The following ZSWIM5 variants were observed in gnomAD, a reference collection of about 807,000 sequenced individuals.
The protein encoded by ZSWIM5 is zinc finger SWIM domain-containing protein 5.
ZSWIM5 carries 55 observed loss-of-function variants against 119.6 expected under a neutral mutation model. That is an observed-to-expected ratio of 0.46 (90% CI 0.37 to 0.58). The LOEUF is 0.58. ZSWIM5 is among the 20% of genes least tolerant of loss of function. ZSWIM5 has a pLI of 0.00. For missense variants in ZSWIM5, 1,193 were observed against 1,512.8 expected, an observed-to-expected ratio of 0.79 and a Z score of 3.51; for synonymous variants, 537 against 606.9, an observed-to-expected ratio of 0.88 and a Z score of 1.69.
At chr1:45,119,277 C>A (rs938312116) in intron 1 of ZSWIM5, among the ~76,000 whole-genome samples, 1 of 152,190 alleles carries the variant, frequency 6.6e-6, no homozygotes, top group African/African-American at 2.4e-5. Context: ...AGCATCCCAA[C>A]CCCCTTGTTC....
chr1:45,156,721 T>TA (rs763479350), intron 1 of ZSWIM5, among the ~76,000 whole-genome samples: 3,159 of 124,602 alleles, frequency 0.025, 113 homozygotes, highest in African/African-American at 0.085. Flanking sequence ...TGTGGGAAGT[T>TA]AAAAAAAAAA....
chr1:45,198,645 T>C (rs1219692969), intron 1 of ZSWIM5, among the ~76,000 whole-genome samples: 1 of 152,160 alleles, frequency 6.6e-6, no homozygotes, highest in Non-Finnish European at 1.5e-5. Context: ...GAGAAATCAT[T>C]AGGCATCCAC....
chr1:45,069,371 A>G (rs913607294), intron 2 of ZSWIM5, among the ~76,000 whole-genome samples: 1 of 151,694 alleles, frequency 6.6e-6, no homozygotes, highest in Non-Finnish European at 1.5e-5. Context: ...GCTTGCAGTG[A>G]GCCAAGATCG....
chr1:45,019,572 A>C lies in ZSWIM5; in HGVS notation c.2696-256T>G, dbSNP rs1016715619. Among the ~76,000 whole-genome samples the C allele has an allele frequency of 3.9e-5, 6 of 152,150 alleles. No homozygotes were observed. The highest frequency in any genetic ancestry group is 4.4e-5 in the Non-Finnish European group (3 of 68,022). On this transcript the variant is annotated intron_variant, in intron 13 of 13. Coordinates refer to ENST00000359600, the MANE Select transcript of ZSWIM5 (RefSeq NM_020883.2). This position sits in a 1 kb window ranked among gnomAD's most constrained non-coding sequence, Gnocchi z 5.0. ...CAGGTGCTCTTAGCCCCTCACAAGGATGGGACAGTAGAGCCTGGGGTTTGC... is the reference window on the plus strand; with the variant it reads ...CAGGTGCTCTTAGCCCCTCACAAGGCTGGGACAGTAGAGCCTGGGGTTTGC...
At chr1:45,081,117 A>G (rs960301781) in intron 2 of ZSWIM5, among the ~76,000 whole-genome samples, 6 of 152,228 alleles carry the variant, frequency 3.9e-5, no homozygotes, top group Non-Finnish European at 5.9e-5. Context: ...AAGATTTAGC[A>G]GGGAACAGAA....
At chr1:45,023,780 A>G (rs1427177124) in intron 11 of ZSWIM5, among the ~76,000 whole-genome samples, 2 of 152,234 alleles carry the variant, frequency 1.3e-5, no homozygotes, top group Non-Finnish European at 2.9e-5. Flanking sequence ...TTTGTAAAAA[A>G]AAGACCAAAC....
At chr1:45,108,135 A>C (rs1262473340) in intron 1 of ZSWIM5, among the ~76,000 whole-genome samples, 1 of 152,184 alleles carries the variant, frequency 6.6e-6, no homozygotes, top group Non-Finnish European at 1.5e-5. Context: ...ATTTGAACAT[A>C]GATTGGGAAA....
rs1435464689 is a variant in ZSWIM5 at position 45,044,829 on chromosome 1, ATATAT to A, written c.1433-1439_1433-1435del. On this transcript the variant is annotated intron_variant, in intron 5 of 13. Coordinates refer to ENST00000359600, the MANE Select transcript of ZSWIM5 (RefSeq NM_020883.2). The stretch of plus-strand genomic sequence containing the variant: ...AATATATATATATATATAAATATAT[ATATAT>A]AAATATATATATATAGATTAGCCGG... Among the ~76,000 whole-genome samples, 15 of 10,558 alleles carry A rather than the reference ATATAT, an allele frequency of 1.4e-3. 3 individuals carry two copies. Among genetic ancestry groups the A allele is most frequent in the African/African-American group, 4.8e-3 (13 of 2,720 alleles). 6.9% of individuals were successfully genotyped at this position (10,558 alleles called of 152,430 possible).
intron 5 of ZSWIM5, among the ~76,000 whole-genome samples, chr1:45,050,012 T>C (rs1013692813): frequency 2.0e-5 from 3 of 152,022 alleles, no homozygotes; most frequent in African/African-American, 4.8e-5. Context: ...AAACAAAAAT[T>C]TTCATGATTT....
rs1457289142 is a variant in ZSWIM5 at position 45,057,695 on chromosome 1, G to A, written c.1252+914C>T. ...TACTAGTGTGTGACCCTGAGTTCAG[G>A]GTATGGAAGATTCTGAAAGCAGGGC... On this transcript the variant is annotated intron_variant, in intron 4 of 13. Transcript: ENST00000359600. The surrounding 1 kb of genome is among the most constrained non-coding windows in gnomAD (Gnocchi z 4.7). Among the ~76,000 whole-genome samples, 1 of 152,166 alleles carries A rather than the reference G, an allele frequency of 6.6e-6. No individual in the cohort carries two copies. The highest frequency in any genetic ancestry group is 2.4e-5 in the African/African-American group (1 of 41,426).
rs375151653 is a variant in ZSWIM5, at chr1:45,115,362, G to A, written c.596-27125C>T. Reference sequence around the variant, plus strand: ...CAGACGGGGTGGCTGCCGGGCGGAGGGGCTCCTCACTTCCCAGACTGGGCG... The same window carrying A: ...CAGACGGGGTGGCTGCCGGGCGGAGAGGCTCCTCACTTCCCAGACTGGGCG... On this transcript the variant is annotated intron_variant, in intron 1 of 13. Coordinates refer to ENST00000359600, the MANE Select transcript of ZSWIM5 (RefSeq NM_020883.2). Among the ~76,000 whole-genome samples the A allele has an allele frequency of 5.0e-3, 766 of 151,738 alleles. 24 individuals carry two copies. Among genetic ancestry groups the A allele is most frequent in the East Asian group, 0.048 (246 of 5,112 alleles).
At chr1:45,133,602 C>T (rs1645672382) in intron 1 of ZSWIM5, among the ~76,000 whole-genome samples, 1 of 152,158 alleles carries the variant, frequency 6.6e-6, no homozygotes, top group South Asian at 2.1e-4. Context: ...TGTGCAGAAG[C>T]TCTTTAGTTT....
chr1:45,060,134 C>G lies in ZSWIM5; in HGVS notation c.1066G>C (p.Gly356Arg). Residue 356 changes from glycine (G) to arginine (R), a missense_variant, in exon 3 of 14, where the codon GGC becomes CGC. By Grantham distance (125) the Gly-to-Arg change is moderately radical (BLOSUM62 -2). Around this residue, in one of 2 missense-constraint regions of ZSWIM5, gnomAD observed 961 missense variants for 1,290.0 expected, o/e 0.74. Coordinates refer to ENST00000359600, the MANE Select transcript of ZSWIM5 (RefSeq NM_020883.2). Reference protein sequence around the residue: ...KLFLSQGGYCGSGKQLNSMFA... With the variant: ...KLFLSQGGYCRSGKQLNSMFA... ...ATTGAGTTGAGTTGCTTTCCAGAGC[C>G]ACAGTAACCGCCCTGGGAGAGAAAA... 3.7e-6 allele frequency: 6 copies of G among 1,614,178 alleles called. No individual in the cohort carries two copies. In the South Asian group the frequency reaches 4.4e-5, roughly 12 times the overall value.
intron 1 of ZSWIM5, among the ~76,000 whole-genome samples, chr1:45,105,973 C>T (rs1249614589): frequency 1.4e-5 from 2 of 142,140 alleles, no homozygotes; most frequent in Admixed American, 1.4e-4. Flanking sequence ...CGCCTCTGCC[C>T]GGTTGCCCCG....
chr1:45,111,107 G>C (rs1485129896), intron 1 of ZSWIM5, among the ~76,000 whole-genome samples: 3 of 152,170 alleles, frequency 2.0e-5, no homozygotes, highest in Non-Finnish European at 2.9e-5. Context: ...GCAAGTGGTA[G>C]AACAAAGCAG....
rs1644871000 is a variant in ZSWIM5 at position 45,018,917 on chromosome 1, T to C, written c.3095A>G (p.Asn1032Ser). 1 of 1,614,058 alleles carries C rather than the reference T, an allele frequency of 6.2e-7. No homozygotes were observed. The highest frequency in any genetic ancestry group is 1.1e-5 in the South Asian group (1 of 91,088). Residue 1032 changes from asparagine (N) to serine (S), a missense_variant, in exon 14 of 14, where the codon AAC (asparagine) becomes AGC (serine). By Grantham distance (46) the Asn-to-Ser change is conservative. Around this residue, in one of 2 missense-constraint regions of ZSWIM5, gnomAD observed 961 missense variants for 1,290.0 expected, o/e 0.74. Transcript: ENST00000359600. The surrounding 1 kb of genome is among the most constrained non-coding windows in gnomAD (Gnocchi z 6.7). ...LAMSHLNLAY[N>S]QDTHPAINDV... The stretch of plus-strand genomic sequence containing the variant: ...ATTGATGGCTGGGTGAGTATCCTGG[T>C]TGTAGGCCAGGTTAAGATGGCTCAT...
At chr1:45,104,761 A>G (rs981169204) in intron 1 of ZSWIM5, among the ~76,000 whole-genome samples, 1 of 152,174 alleles carries the variant, frequency 6.6e-6, no homozygotes, top group Non-Finnish European at 1.5e-5. Context: ...CTCCCCTCCC[A>G]GACTCCTCTG....
At position 45,120,973 on chromosome 1, in the gene ZSWIM5, C is replaced by T. The variant is rs144128145; in HGVS notation, c.596-32736G>A. Among the ~76,000 whole-genome samples the T allele has an allele frequency of 5.5e-3, 830 of 150,984 alleles. 8 individuals carry two copies. Among genetic ancestry groups the T allele is most frequent in the African/African-American group, 0.018 (742 of 41,164 alleles). ...CTTTTCATCTTTTTTTTTTTTGAGACGGAGTCTCGCTCTGTCCCCAGGCTG... is the reference window on the plus strand; with the variant it reads ...CTTTTCATCTTTTTTTTTTTTGAGATGGAGTCTCGCTCTGTCCCCAGGCTG... On this transcript the variant is annotated intron_variant, in intron 1 of 13. Transcript: ENST00000359600.
chr1:45,089,892 T>C (rs1645354405), intron 1 of ZSWIM5, among the ~76,000 whole-genome samples: 2 of 152,234 alleles, frequency 1.3e-5, no homozygotes, highest in African/African-American at 2.4e-5. Context: ...TACAATATGA[T>C]GTGCCAAATG....
Sources: allele counts gnomAD v4.1 joint callset (sites outside exome capture counted in the v4.1 genomes callset), GRCh38; gene constraint gnomAD v4.1.1; regional missense constraint gnomAD v4.1.1; non-coding constraint Gnocchi (gnomAD v3.1); transcripts MANE v1.5; gene names NCBI Gene and HGNC (gene_info 2026-07-23, HGNC 2026-07-21).